Variants in TRAM1 observed in about 807,000 individuals in gnomAD.
TRAM1 encodes translocating chain-associated membrane protein 1.
In TRAM1, 17 loss-of-function variants were observed where a neutral mutation model predicts 48.7. The ratio of observed to expected loss-of-function variants is 0.35; its 90% CI spans 0.24 to 0.52. TRAM1 has a LOEUF of 0.52. Ranked by LOEUF, TRAM1 falls within the 20% of genes least tolerant of loss-of-function variation. The pLI is 0.94. For synonymous variants in TRAM1, 182 were observed against 154.0 expected, an observed-to-expected ratio of 1.18 and a Z score of -1.34; for missense variants, 351 against 441.5, an observed-to-expected ratio of 0.79 and a Z score of 1.84.
chr8:70,587,214 A>G, intron 6 of TRAM1, 38 bp from the exon 7 acceptor site: 1 of 1,591,924 alleles, frequency 6.3e-7, no homozygotes, highest in Non-Finnish European at 8.6e-7. Flanking sequence ...ACATGCTAAA[A>G]CATTTCCTTT....
Position 70,594,570 on chromosome 8 carries a change from T to A in TRAM1, c.506A>T (p.Tyr169Phe), listed in dbSNP as rs774373459. ...NLMTFQMKFF[Y>F]ISQLAYWLHA... Reference sequence around the variant, plus strand: ...AAGCCAGTAAGCCAGCTGTGATATGTAGAAAAACTTCATTTGAAATCTGTA... The same window carrying A: ...AAGCCAGTAAGCCAGCTGTGATATGAAGAAAAACTTCATTTGAAATCTGTA... Residue 169 changes from tyrosine to phenylalanine, a missense_variant, in exon 6 of 11, where the codon TAC (tyrosine) becomes TTC (phenylalanine). Transcript: ENST00000262213. 1 of 1,597,566 alleles carries A rather than the reference T, an allele frequency of 6.3e-7. No individual in the cohort carries two copies. The highest frequency in any genetic ancestry group is 1.1e-5 in the South Asian group (1 of 87,650).
rs536396085 is a variant in TRAM1 at position 70,583,186 on chromosome 8, G to A, written c.1029C>T (p.Gly343=). The stretch of plus-strand genomic sequence containing the variant: ...AACCTGTTCCTTTTTTAGAAGATCT[G>A]CCTTTAGTTACTGTTGGTTTCTTCT... ...AVKKKPTVTK[G]RSSKKGTENG... Residue 343 remains glycine (G), a synonymous_variant, in exon 10 of 11, where the codon GGC becomes GGT. Transcript: ENST00000262213. 1.2e-6 allele frequency: 2 copies of A among 1,613,472 alleles called. No homozygotes were observed. The highest frequency in any genetic ancestry group is 2.2e-5 in the East Asian group (1 of 44,852).
rs921210677 is a variant in TRAM1 at position 70,574,772 on chromosome 8, C to T, written c.*160G>A. On this transcript the variant is annotated 3_prime_UTR_variant, in exon 11 of 11. Coordinates refer to ENST00000262213, the MANE Select transcript of TRAM1 (RefSeq NM_014294.6). ...TATTTTTTTCATTCATAGCAATAAT[C>T]CTCCCCTCAAATGCCCTTTAAAAAA... 2 of 569,270 alleles carry T rather than the reference C, an allele frequency of 3.5e-6. No individual in the cohort carries two copies. Among genetic ancestry groups the T allele is most frequent in the Non-Finnish European group, 6.1e-6 (2 of 329,342 alleles). The allele number at this position is 569,270 out of a possible 1,614,324, so 35.3% of individuals were successfully genotyped here. A position where few individuals can be genotyped will look rare whatever the true frequency, so the allele number is the denominator to read the frequency against.
chr8:70,599,368 C>T (rs1374905877), intron 2 of TRAM1, among the ~76,000 whole-genome samples: 1 of 152,204 alleles, frequency 6.6e-6, no homozygotes. Flanking sequence ...TGCAGGTTTA[C>T]TGCCTCAACC....
chr8:70,573,769 T>G lies in TRAM1; in HGVS notation c.*1163A>C, dbSNP rs768034096. 1 of 152,402 alleles carries G rather than the reference T, an allele frequency of 6.6e-6. No homozygotes were observed. The highest frequency in any genetic ancestry group is 1.5e-5 in the Non-Finnish European group (1 of 68,048). The allele number at this position is 152,402 out of a possible 1,614,324, so 9.4% of individuals were successfully genotyped here. A position where few individuals can be genotyped will look rare whatever the true frequency, so the allele number is the denominator to read the frequency against. On this transcript the variant is annotated 3_prime_UTR_variant, in exon 11 of 11. Transcript: ENST00000262213. The stretch of plus-strand genomic sequence containing the variant: ...GTAAATATGATGAATAAACCAAATG[T>G]AGCTATAAGAATCTTAAAGGATGAT...
At chr8:70,594,258 A>G (rs1817431247) in intron 6 of TRAM1, among the ~76,000 whole-genome samples, 1 of 150,820 alleles carries the variant, frequency 6.6e-6, no homozygotes, top group African/African-American at 2.4e-5. Flanking sequence ...AAGACAAGCC[A>G]TTAACATATC....
At chr8:70,601,158 T>C (rs1190806929) in intron 1 of TRAM1, among the ~76,000 whole-genome samples, 2 of 152,150 alleles carry the variant, frequency 1.3e-5, no homozygotes, top group South Asian at 2.1e-4. Flanking sequence ...TTCTCCATAT[T>C]GCAACTAGAA....
intron 10 of TRAM1, among the ~76,000 whole-genome samples, chr8:70,582,042 C>T (rs145731008): frequency 5.3e-5 from 8 of 152,086 alleles, no homozygotes; most frequent in South Asian, 2.1e-4. Context: ...GTGGTTTGCA[C>T]GATTTTGTGA....
At chr8:70,601,001 GA>G (rs1817597803) in intron 1 of TRAM1, among the ~76,000 whole-genome samples, 2 of 152,198 alleles carry the variant, frequency 1.3e-5, no homozygotes, top group South Asian at 4.1e-4. Flanking sequence ...TTGAGTGCTA[GA>G]AAGGACTCTG....
At position 70,600,064 on chromosome 8, in the gene TRAM1, T is replaced by C. The variant is rs754070777; in HGVS notation, c.142A>G (p.Ile48Val). 2.0e-5 allele frequency: 32 copies of C among 1,613,670 alleles called. No individual in the cohort carries two copies. The highest frequency in any genetic ancestry group is 2.3e-5 in the Non-Finnish European group (27 of 1,179,806). Residue 48 changes from isoleucine to valine, a missense_variant, in exon 2 of 11, where the codon ATC becomes GTC. Physicochemically the swap from Ile to Val is conservative, Grantham distance 29. Transcript: ENST00000262213. ...LMFEITAKAS[I>V]IFVTLQYNVT... The stretch of plus-strand genomic sequence containing the variant: ...TTGTACTGAAGAGTAACAAAAATGA[T>C]AGAAGCTTTTGCCGTTATCTACAAA...
intron 6 of TRAM1, 110 bp from the exon 7 acceptor site, chr8:70,587,286 C>G (rs998637612): frequency 3.1e-5 from 31 of 1,005,550 alleles, no homozygotes; most frequent in Admixed American, 4.7e-5. Flanking sequence ...ACCTTGGACT[C>G]AAGAGAACCC....
chr8:70,596,438 A>G, intron 4 of TRAM1, 117 bp from the exon 5 acceptor site: 1 of 609,996 alleles, frequency 1.6e-6, no homozygotes, highest in East Asian at 3.2e-5. Flanking sequence ...CAAAGAACCC[A>G]CTAATGTCAA....
chr8:70,584,985 C>G (rs1817178849), intron 8 of TRAM1, among the ~76,000 whole-genome samples: 1 of 152,120 alleles, frequency 6.6e-6, no homozygotes, highest in South Asian at 2.1e-4. Context: ...AATCCTAAGC[C>G]AAAAGAACAA....
intron 9 of TRAM1, 40 bp from the exon 10 acceptor site, chr8:70,583,364 AC>A: frequency 6.3e-7 from 1 of 1,585,888 alleles, no homozygotes; most frequent in Admixed American, 1.7e-5. Flanking sequence ...TGTATAAAAA[AC>A]AATGCCACTG....
At chr8:70,598,874 T>C (rs1817544708) in intron 2 of TRAM1, among the ~76,000 whole-genome samples, 1 of 152,250 alleles carries the variant, frequency 6.6e-6, no homozygotes, top group Non-Finnish European at 1.5e-5. Flanking sequence ...TATTCTTCTC[T>C]GGCATATTCA....
intron 4 of TRAM1, 69 bp downstream of exon 4, chr8:70,597,826 C>T: frequency 2.5e-6 from 3 of 1,190,188 alleles, no homozygotes; most frequent in East Asian, 5.0e-5. Flanking sequence ...TAACTTAATA[C>T]TATTTCATTA....
Position 70,608,351 on chromosome 8 carries a change from G to A in TRAM1, c.-152C>T. On this transcript the variant is annotated 5_prime_UTR_variant, in exon 1 of 11. Coordinates refer to ENST00000262213, the MANE Select transcript of TRAM1 (RefSeq NM_014294.6). ...TCACTTCCCATCCCACAGCCAGTACGCAGCCGCCGGGCCGCCCGGGGGAAA... is the reference window on the plus strand; with the variant it reads ...TCACTTCCCATCCCACAGCCAGTACACAGCCGCCGGGCCGCCCGGGGGAAA... 3 of 916,296 alleles carry A rather than the reference G, an allele frequency of 3.3e-6. No individual in the cohort carries two copies. The highest frequency in any genetic ancestry group is 4.4e-6 in the Non-Finnish European group (3 of 680,622). The allele number at this position is 916,296 out of a possible 1,614,324, so 56.8% of individuals were successfully genotyped here.
At chr8:70,587,279 T>TCC in intron 6 of TRAM1, 103 bp from the exon 7 acceptor site, 2 of 1,163,678 alleles carry the variant, frequency 1.7e-6, no homozygotes, top group Non-Finnish European at 2.4e-6. Context: ...TCTCAAAACC[T>TCC]TGGACTCAAG....
chr8:70,594,703 C>G, intron 5 of TRAM1, 113 bp from the exon 6 acceptor site: 1 of 760,612 alleles, frequency 1.3e-6, no homozygotes, highest in Non-Finnish European at 2.0e-6. Context: ...TGTCATCATT[C>G]CATACAATAT....
Sources: allele counts gnomAD v4.1 joint callset (sites outside exome capture counted in the v4.1 genomes callset), GRCh38; gene constraint gnomAD v4.1.1; transcripts MANE v1.5; gene names NCBI Gene and HGNC (gene_info 2026-07-23, HGNC 2026-07-21).